SUCLG2: variants seen among roughly 807,000 people sequenced by gnomAD.
SUCLG2 encodes succinate-CoA ligase GDP-forming subunit beta.
In SUCLG2, 42 loss-of-function variants were observed where a neutral mutation model predicts 47.9. That is an observed-to-expected ratio of 0.88 (90% CI 0.69 to 1.14). The LOEUF (loss-of-function observed/expected upper bound fraction) is 1.14, where lower values mean the gene tolerates loss of function less well. Among genes scored for constraint, SUCLG2 ranks in the 50% most tolerant of loss-of-function variants. The pLI is 0.00. For missense variants in SUCLG2, 571 were observed against 525.9 expected, an observed-to-expected ratio of 1.09 and a Z score of -0.84; for synonymous variants, 195 against 197.3, an observed-to-expected ratio of 0.99 and a Z score of 0.10.
Position 67,363,272 on chromosome 3 carries a change from G to A in SUCLG2, c.1184-2504C>T, listed in dbSNP as rs979636774. On this transcript the variant is annotated intron_variant, in intron 10 of 10. Coordinates refer to the SUCLG2 transcript ENST00000493112. ...TTCACAGACATCTGATAATTTGGGG[G>A]TTGGTTAGAACCTCCATAGTTATTA... Among the ~76,000 whole-genome samples the A allele has an allele frequency of 2.0e-5, 3 of 152,124 alleles. No homozygotes were observed. The East Asian group carries it at 5.8e-4, about 29-fold the overall frequency.
At chr3:67,506,323 A>C (rs1346519849) in intron 7 of SUCLG2, among the ~76,000 whole-genome samples, 1 of 152,242 alleles carries the variant, frequency 6.6e-6, no homozygotes, top group African/African-American at 2.4e-5. Context: ...TTAGAGTTAT[A>C]AACCAACATA....
intron 4 of SUCLG2, among the ~76,000 whole-genome samples, chr3:67,524,105 G>T (rs1706192737): frequency 6.6e-6 from 1 of 152,164 alleles, no homozygotes. Context: ...ACATCGTCAT[G>T]CCTTCCAAAT....
chr3:67,589,671 A>G (rs1406550876), intron 2 of SUCLG2, among the ~76,000 whole-genome samples: 49 of 152,182 alleles, frequency 3.2e-4, no homozygotes, highest in Non-Finnish European at 4.4e-5. Context: ...TTCCAAGGGA[A>G]GCATCTGCTG....
At chr3:67,448,742 A>C (rs1051439427) in intron 9 of SUCLG2, among the ~76,000 whole-genome samples, 1 of 152,260 alleles carries the variant, frequency 6.6e-6, no homozygotes, top group African/African-American at 2.4e-5. Context: ...TCATAAGGAC[A>C]TATAGCTGGT....
chr3:67,408,455 A>T (rs780807850), intron 9 of SUCLG2: 10 of 233,718 alleles, frequency 4.3e-5, no homozygotes, highest in African/African-American at 2.3e-4. Flanking sequence ...AAATTCATCA[A>T]TTGAGATGAA....
intron 2 of SUCLG2, among the ~76,000 whole-genome samples, chr3:67,568,936 T>C (rs1425174648): frequency 4.6e-5 from 7 of 152,090 alleles, no homozygotes; most frequent in Admixed American, 1.3e-4. Flanking sequence ...TAAGAACAAA[T>C]TTAGAGCTAT....
chr3:67,540,348 G>A (rs1196644279), intron 2 of SUCLG2, among the ~76,000 whole-genome samples: 4 of 151,950 alleles, frequency 2.6e-5, no homozygotes, highest in Non-Finnish European at 4.4e-5. Context: ...TCCACCTGGG[G>A]TGCTTGGTGG....
chr3:67,389,724 A>C (rs570772260), intron 10 of SUCLG2, among the ~76,000 whole-genome samples: 94 of 152,262 alleles, frequency 6.2e-4, no homozygotes, highest in African/African-American at 2.2e-3. Flanking sequence ...AAACAGAGCA[A>C]GTCTTCATTT....
intron 2 of SUCLG2, among the ~76,000 whole-genome samples, chr3:67,536,731 G>C (rs1369792916): frequency 6.6e-6 from 1 of 152,154 alleles, no homozygotes; most frequent in East Asian, 1.9e-4. Context: ...ACAAATCAAG[G>C]ATTCAGGCTG....
chr3:67,427,227 CA>C (rs1027019805), intron 9 of SUCLG2, among the ~76,000 whole-genome samples: 1 of 152,156 alleles, frequency 6.6e-6, no homozygotes, highest in Non-Finnish European at 1.5e-5. Context: ...TACCAATTCA[CA>C]GGTGAAACTG....
intron 6 of SUCLG2, among the ~76,000 whole-genome samples, chr3:67,517,664 C>A (rs1195154608): frequency 6.6e-6 from 1 of 152,164 alleles, no homozygotes; most frequent in Non-Finnish European, 1.5e-5. Context: ...GATATTATTA[C>A]AAAATTGGCA....
chr3:67,646,206 G>C (rs1433464127), intron 1 of SUCLG2, among the ~76,000 whole-genome samples: 1 of 152,110 alleles, frequency 6.6e-6, no homozygotes, highest in African/African-American at 2.4e-5. Flanking sequence ...AGGCAGGGAG[G>C]AAAGCATGGT....
chr3:67,603,692 T>C (rs565417633), intron 2 of SUCLG2, among the ~76,000 whole-genome samples: 23 of 152,324 alleles, frequency 1.5e-4, no homozygotes, highest in Non-Finnish European at 3.1e-4. Flanking sequence ...TGTGGAATAA[T>C]TAATAAATTG....
At chr3:67,430,955 A>T (rs919696019) in intron 9 of SUCLG2, among the ~76,000 whole-genome samples, 2 of 152,216 alleles carry the variant, frequency 1.3e-5, no homozygotes, top group African/African-American at 4.8e-5. Context: ...TTGAGGTAAT[A>T]ATTAATAGCC....
intron 2 of SUCLG2, among the ~76,000 whole-genome samples, chr3:67,536,508 C>G (rs1575762041): frequency 6.6e-6 from 1 of 152,318 alleles, no homozygotes; most frequent in East Asian, 1.9e-4. Context: ...GGTCTCTGGA[C>G]CATACTCCTG....
At chr3:67,542,192 A>T (rs1706736359) in intron 2 of SUCLG2, among the ~76,000 whole-genome samples, 1 of 152,136 alleles carries the variant, frequency 6.6e-6, no homozygotes, top group Non-Finnish European at 1.5e-5. Context: ...TCTTAAAGAA[A>T]AGAATTTTCA....
chr3:67,498,263 C>G lies in SUCLG2; in HGVS notation c.790G>C (p.Asp264His), dbSNP rs141728876. Residue 264 changes from aspartate to histidine, a missense_variant, in exon 8 of 11, where the codon GAC becomes CAC. Transcript: ENST00000307227. ...VCFDAKINFD[D>H]NAEFRQKDIF... ...TCTTTTTGTCGGAATTCTGCGTTGTCATCAAAGTTTATCTTGGCATCAAAA... is the reference window on the plus strand; with the variant it reads ...TCTTTTTGTCGGAATTCTGCGTTGTGATCAAAGTTTATCTTGGCATCAAAA... 3 of 1,613,640 alleles carry G rather than the reference C, an allele frequency of 1.9e-6. No individual in the cohort carries two copies. The highest frequency in any genetic ancestry group is 2.5e-6 in the Non-Finnish European group (3 of 1,179,808).
intron 9 of SUCLG2, among the ~76,000 whole-genome samples, chr3:67,463,046 G>A (rs1704377358): frequency 6.6e-6 from 1 of 152,196 alleles, no homozygotes; most frequent in Non-Finnish European, 1.5e-5. Context: ...AAGTTTGTGG[G>A]CAGAAACTGC....
intron 9 of SUCLG2, among the ~76,000 whole-genome samples, chr3:67,473,902 C>T (rs1216571505): frequency 2.6e-5 from 4 of 152,164 alleles, no homozygotes; most frequent in Non-Finnish European, 5.9e-5. Context: ...CTGCTGTTAT[C>T]CTTAGTGATG....
Sources: gnomAD v4.1 joint callset for allele counts (sites outside exome capture counted in the v4.1 genomes callset) on GRCh38, gnomAD v4.1.1 for gene constraint, MANE v1.5 for transcripts, NCBI Gene and HGNC (gene_info 2026-07-23, HGNC 2026-07-21) for gene names.